KCNN2: variants seen among roughly 807,000 people sequenced by gnomAD.
KCNN2 encodes small conductance calcium-activated potassium channel protein 2.
Under a neutral mutation model 55.5 loss-of-function variants are expected in KCNN2, and 24 were observed. The observed-to-expected ratio is 0.43, with a 90% CI of 0.31 to 0.61. The LOEUF is 0.61. Among genes scored for constraint, KCNN2 ranks in the 20% least tolerant of loss-of-function variants. KCNN2 has a pLI of 0.08. For missense variants in KCNN2, 754 were observed against 853.6 expected, an observed-to-expected ratio of 0.88 and a Z score of 1.45; for synonymous variants, 431 against 336.1, an observed-to-expected ratio of 1.28 and a Z score of -3.09.
chr5:114,429,241 A>T (rs1219467372), intron 3 of KCNN2, among the ~76,000 whole-genome samples: 1 of 152,120 alleles, frequency 6.6e-6, no homozygotes, highest in East Asian at 1.9e-4. Context: ...TTTTGCAACA[A>T]CAAATACTGG....
intron 2 of KCNN2, among the ~76,000 whole-genome samples, chr5:114,385,517 GCGCACACACACACACACACA>G (rs1758251964): frequency 1.1e-5 from 1 of 88,886 alleles, no homozygotes; most frequent in Non-Finnish European, 2.1e-5. Flanking sequence ...ACACACATGC[GCGCACACACACACACACACA>G]CACACACACA....
chr5:114,488,652 C>T (rs929306241), intron 6 of KCNN2, among the ~76,000 whole-genome samples: 2 of 152,094 alleles, frequency 1.3e-5, no homozygotes, highest in African/African-American at 2.4e-5. Context: ...GCTGAGCTTT[C>T]GCCTCTGTGT....
intron 5 of KCNN2, among the ~76,000 whole-genome samples, chr5:114,484,424 G>A (rs2150135148): frequency 6.6e-6 from 1 of 152,252 alleles, no homozygotes; most frequent in South Asian, 2.1e-4. Flanking sequence ...ACTACACAAT[G>A]TATTCATGCA....
At chr5:114,244,878 G>T (rs4314390) in intron 2 of KCNN2, among the ~76,000 whole-genome samples, 118,903 of 152,076 alleles carry the variant, frequency 0.78, 47,083 homozygotes, top group East Asian at 0.9. Context: ...TCATTTAATA[G>T]GGTGCTTCTC....
intron 3 of KCNN2, among the ~76,000 whole-genome samples, chr5:114,405,913 T>G (rs1318724156): frequency 6.6e-6 from 1 of 151,914 alleles, no homozygotes; most frequent in Non-Finnish European, 1.5e-5. Context: ...GGTTTCACCG[T>G]GTTAGCTGGG....
At chr5:114,134,462 T>TTGATTG (rs780804439) in intron 1 of KCNN2, among the ~76,000 whole-genome samples, 612 of 58,726 alleles carry the variant, frequency 0.01, 2 homozygotes, top group Admixed American at 0.014. Flanking sequence ...AACCATGATT[T>TTGATTG]ATTTATTTAT....
At chr5:114,074,671 A>C (rs1435859969) in intron 1 of KCNN2, among the ~76,000 whole-genome samples, 1 of 152,172 alleles carries the variant, frequency 6.6e-6, no homozygotes, top group African/African-American at 2.4e-5. Context: ...TATCTAAGTG[A>C]GAGGCTGGTT....
At chr5:114,364,085 A>G in intron 2 of KCNN2, 84 bp downstream of exon 2, 2 of 959,916 alleles carry the variant, frequency 2.1e-6, no homozygotes, top group Non-Finnish European at 3.4e-6. Flanking sequence ...GCTTTTTTCA[A>G]GCCATCATGT....
At chr5:114,458,248 GA>G (rs1269427129) in intron 3 of KCNN2, among the ~76,000 whole-genome samples, 12 of 152,164 alleles carry the variant, frequency 7.9e-5, no homozygotes, top group African/African-American at 2.9e-4. Flanking sequence ...TTTGAGATGA[GA>G]TTTTTTTTCC....
chr5:114,469,781 C>T (rs1008876719), intron 4 of KCNN2, among the ~76,000 whole-genome samples: 6 of 152,154 alleles, frequency 3.9e-5, no homozygotes, highest in East Asian at 1.9e-4. Context: ...AGAAAGCTTT[C>T]GGAAGTGAGC....
chr5:114,267,280 C>G (rs1274711002), intron 2 of KCNN2, among the ~76,000 whole-genome samples: 1 of 152,142 alleles, frequency 6.6e-6, no homozygotes, highest in African/African-American at 2.4e-5. Context: ...CAGGCGTGAG[C>G]CACTGCGCCC....
At chr5:114,313,012 C>T (rs1413649234) in intron 2 of KCNN2, among the ~76,000 whole-genome samples, 2 of 152,064 alleles carry the variant, frequency 1.3e-5, no homozygotes, top group East Asian at 3.9e-4. Context: ...CTCTCTGGAA[C>T]CTTGTTTTGA....
At chr5:114,393,188 A>C (rs1042420108) in intron 2 of KCNN2, among the ~76,000 whole-genome samples, 26 of 152,214 alleles carry the variant, frequency 1.7e-4, no homozygotes, top group Admixed American at 6.6e-5. Flanking sequence ...GTATCCACAG[A>C]ACCTTACAAA....
chr5:114,314,260 C>T (rs1580715380), intron 2 of KCNN2, among the ~76,000 whole-genome samples: 1 of 152,072 alleles, frequency 6.6e-6, no homozygotes, highest in South Asian at 2.1e-4. Flanking sequence ...TGCATAGTTT[C>T]GCTATTAACA....
At chr5:114,215,731 T>C (rs549197417) in intron 1 of KCNN2, among the ~76,000 whole-genome samples, 1 of 152,144 alleles carries the variant, frequency 6.6e-6, no homozygotes, top group Non-Finnish European at 1.5e-5. Flanking sequence ...TGTTTTCTTA[T>C]AACTAAATGA....
intron 2 of KCNN2, among the ~76,000 whole-genome samples, chr5:114,342,913 A>G (rs1257880097): frequency 3.3e-5 from 5 of 152,112 alleles, no homozygotes; most frequent in Admixed American, 3.3e-4. Flanking sequence ...ACATAGGTAA[A>G]CGCATGCCAT....
chr5:114,297,063 A>G (rs144166095), intron 2 of KCNN2, among the ~76,000 whole-genome samples: 42 of 152,308 alleles, frequency 2.8e-4, no homozygotes, highest in Admixed American at 6.5e-4. Flanking sequence ...CTTTTAAAGT[A>G]TAACTAATTT....
chr5:114,148,684 C>T (rs896589499), intron 1 of KCNN2, among the ~76,000 whole-genome samples: 2 of 152,064 alleles, frequency 1.3e-5, no homozygotes, highest in African/African-American at 4.8e-5. Flanking sequence ...ACATGTCCTC[C>T]TCTGGCAGAG....
intron 1 of KCNN2, among the ~76,000 whole-genome samples, chr5:114,203,325 A>G (rs1438832232): frequency 1.3e-5 from 2 of 152,208 alleles, no homozygotes; most frequent in Non-Finnish European, 2.9e-5. Flanking sequence ...TAAAGTTCTT[A>G]TGTGACAGGA....
Sources: gnomAD v4.1 joint callset for allele counts (sites outside exome capture counted in the v4.1 genomes callset) on GRCh38, gnomAD v4.1.1 for gene constraint, MANE v1.5 for transcripts, NCBI Gene and HGNC (gene_info 2026-07-23, HGNC 2026-07-21) for gene names.